The following FANCD2OS variants were observed in gnomAD, a reference collection of about 807,000 sequenced individuals.
The protein encoded by FANCD2OS is FANCD2 opposite strand.
Under a neutral mutation model 13.2 loss-of-function variants are expected in FANCD2OS, and 11 were observed. The observed-to-expected ratio is 0.83, with a 90% CI of 0.52 to 1.38. The LOEUF (loss-of-function observed/expected upper bound fraction) is 1.38, where lower values mean the gene tolerates loss of function less well. FANCD2OS is among the 40% of genes most tolerant of loss of function. The pLI is 0.00. For synonymous variants in FANCD2OS, 69 were observed against 84.5 expected (o/e 0.82, Z 1.01); for missense variants, 217 against 213.9 (o/e 1.01, Z -0.09).
downstream of FANCD2OS, chr3:10,101,538 A>G (rs1033062492): frequency 2.3e-6 from 1 of 436,982 alleles, no homozygotes; most frequent in Admixed American, 3.7e-5. Context: ...GGCACATGCC[A>G]CCATGCCCAG....
chr3:10,094,401 A>G, intron 2 of FANCD2OS: 2 of 1,537,470 alleles, frequency 1.3e-6, no homozygotes, highest in Non-Finnish European at 1.8e-6. Flanking sequence ...TATGCACTGA[A>G]GAGTTGCTCA....
rs1467156467 is a variant in FANCD2OS at position 10,108,096 on chromosome 3, G to A, written c.-90C>T. 1.0e-5 allele frequency: 1 copy of A among 99,402 alleles called. No individual in the cohort carries two copies. Among genetic ancestry groups the A allele is most frequent in the African/African-American group, 5.2e-5 (1 of 19,392 alleles). 6.2% of individuals were successfully genotyped at this position (99,402 alleles called of 1,614,324 possible). ...GATCCCGAGGGTCTGGAGCTGCCGAGAGTGCGAGAGGCTCCCACTCCCCGC... is the reference window on the plus strand; with the variant it reads ...GATCCCGAGGGTCTGGAGCTGCCGAAAGTGCGAGAGGCTCCCACTCCCCGC... On this transcript the variant is annotated 5_prime_UTR_variant, in exon 1 of 2. Transcript: ENST00000450660.
intron 2 of FANCD2OS, among the ~76,000 whole-genome samples, chr3:10,087,828 T>A (rs1694313871): frequency 6.6e-6 from 1 of 152,074 alleles, no homozygotes; most frequent in East Asian, 1.9e-4. Context: ...TTTGTATTTT[T>A]AGTGGAGACG....
Position 10,085,829 on chromosome 3 carries a change from C to T in FANCD2OS, c.*44-4298G>A, listed in dbSNP as rs775561668. ...TTCCTTAGGAGTGGATTTTCTCAAC[C>T]TGAAAATCAGAATTTACTGTATTCA... On this transcript the variant is annotated intron_variant, in intron 2 of 2. Coordinates refer to the FANCD2OS transcript ENST00000524279. 1.2e-6 allele frequency: 2 copies of T among 1,612,614 alleles called. No individual in the cohort carries two copies. The highest frequency in any genetic ancestry group is 1.7e-6 in the Non-Finnish European group (2 of 1,178,720).
At chr3:10,096,265 A>G (rs1164820427) in intron 2 of FANCD2OS, 91 of 1,561,234 alleles carry the variant, frequency 5.8e-5, no homozygotes, top group Non-Finnish European at 7.7e-5. Flanking sequence ...AGGTTTCTAT[A>G]AGAAATGTGA....
chr3:10,101,143 G>C, downstream of FANCD2OS: 1 of 1,410,818 alleles, frequency 7.1e-7, no homozygotes, highest in Non-Finnish European at 1.0e-6. Context: ...AGGTCACCCA[G>C]AGCAGTAACC....
Position 10,096,314 on chromosome 3 carries a change from A to G in FANCD2OS, c.*43+7884T>C, listed in dbSNP as rs770697903. 4.2e-5 allele frequency: 67 copies of G among 1,613,692 alleles called. 1 individual carries two copies. The South Asian group carries it at 7.4e-4, about 18-fold the overall frequency. ...AACTCACAAAAGATGGATGTTATTT[A>G]TTTCCATTCAGATTCACCAGGACAC... On this transcript the variant is annotated intron_variant, in intron 2 of 2. Coordinates refer to the FANCD2OS transcript ENST00000524279.
chr3:10,098,171 C>T (rs980843347), downstream of FANCD2OS, among the ~76,000 whole-genome samples: 4 of 152,112 alleles, frequency 2.6e-5, no homozygotes, highest in African/African-American at 9.7e-5. Flanking sequence ...TTCCTTTCTT[C>T]ACATCAACCT....
intron 2 of FANCD2OS, chr3:10,088,706 G>C: frequency 8.4e-7 from 1 of 1,186,986 alleles, no homozygotes; most frequent in Non-Finnish European, 1.3e-6. Context: ...AGATCCTCTG[G>C]TTCTGTTTTA....
downstream of FANCD2OS, chr3:10,099,471 AAAAT>A: frequency 2.6e-6 from 1 of 383,186 alleles, no homozygotes; most frequent in Non-Finnish European, 3.8e-6. Context: ...AAAAAAATGA[AAAAT>A]AAACCTGGGT....
chr3:10,094,458 C>A, intron 2 of FANCD2OS: 2 of 1,040,362 alleles, frequency 1.9e-6, no homozygotes, highest in Non-Finnish European at 3.0e-6. Flanking sequence ...GAGTGTTCTA[C>A]CTGGGCTCCT....
downstream of FANCD2OS, among the ~76,000 whole-genome samples, chr3:10,103,333 C>G (rs2125108532): frequency 6.6e-6 from 1 of 152,116 alleles, no homozygotes; most frequent in South Asian, 2.1e-4. Flanking sequence ...ACCTGGGAGG[C>G]AGAGGTTGCG....
intron 2 of FANCD2OS, chr3:10,086,002 C>T: frequency 1.1e-6 from 1 of 930,984 alleles, no homozygotes; most frequent in Non-Finnish European, 1.8e-6. Flanking sequence ...TTAAAATAAC[C>T]TGGGTGTCTT....
At chr3:10,093,493 T>C (rs1171310605) in intron 2 of FANCD2OS, among the ~76,000 whole-genome samples, 2 of 152,210 alleles carry the variant, frequency 1.3e-5, no homozygotes, top group African/African-American at 2.4e-5. Flanking sequence ...AGTTGGATGA[T>C]TGGAGAAGCC....
chr3:10,103,106 A>AC (rs1245676988), downstream of FANCD2OS: 1 of 437,642 alleles, frequency 2.3e-6, no homozygotes, highest in Non-Finnish European at 4.5e-6. Context: ...AAAAAAAAAA[A>AC]ATACAAAAAT....
At chr3:10,103,467 C>T (rs1410753900), downstream of FANCD2OS, among the ~76,000 whole-genome samples, 2 of 151,976 alleles carry the variant, frequency 1.3e-5, no homozygotes, top group African/African-American at 2.4e-5. Flanking sequence ...CCCAGCTACT[C>T]AGGAGGCTGA....
At chr3:10,097,945 T>G (rs1379376027), downstream of FANCD2OS, among the ~76,000 whole-genome samples, 2 of 152,122 alleles carry the variant, frequency 1.3e-5, no homozygotes, top group African/African-American at 4.8e-5. Context: ...GGTCCCTGAC[T>G]TCCCGCAACA....
chr3:10,084,997 A>G (rs934855200), intron 2 of FANCD2OS, among the ~76,000 whole-genome samples: 1 of 152,230 alleles, frequency 6.6e-6, no homozygotes, highest in Admixed American at 6.5e-5. Flanking sequence ...GGCCAAAATG[A>G]TGGTCTAGGC....
chr3:10,098,986 A>G, downstream of FANCD2OS: 1 of 1,614,100 alleles, frequency 6.2e-7, no homozygotes. Flanking sequence ...GGGACCCAGA[A>G]GAAACAACGA....
Sources: allele counts gnomAD v4.1 joint callset (sites outside exome capture counted in the v4.1 genomes callset), GRCh38; gene constraint gnomAD v4.1.1; transcripts MANE v1.5; gene names NCBI Gene and HGNC (gene_info 2026-07-23, HGNC 2026-07-21).